The following TLE2 variants were observed in gnomAD, a reference collection of about 807,000 sequenced individuals.
The protein encoded by TLE2 is TLE family member 2, transcriptional corepressor, also known as transducin-like enhancer protein 2.
In TLE2, 74 loss-of-function variants were observed where a neutral mutation model predicts 97.2. The ratio of observed to expected loss-of-function variants is 0.76; its 90% CI spans 0.63 to 0.92. The LOEUF is 0.92. Among genes scored for constraint, TLE2 ranks in the 40% least tolerant of loss-of-function variants. The probability of loss-of-function intolerance (pLI) is 0.00; values close to 1 mark genes in which losing one functional copy is unlikely to be tolerated. For missense variants in TLE2, 1,038 were observed against 1,008.7 expected (o/e 1.03, Z -0.39); for synonymous variants, 499 against 432.1 (o/e 1.15, Z -1.92).
At chr19:3,013,607 C>T (rs1192261868) in intron 11 of TLE2, 62 bp downstream of exon 11, 8 of 1,305,466 alleles carry the variant, frequency 6.1e-6, no homozygotes, top group Middle Eastern at 2.5e-4. Context: ...CATGGGGTAG[C>T]GTCTGCTTCG....
Position 2,997,746 on chromosome 19 carries a change from A to G in TLE2, c.*102T>C, listed in dbSNP as rs1304702210. 1.2e-6 allele frequency: 1 copy of G among 826,298 alleles called. No homozygotes were observed. The highest frequency in any genetic ancestry group is 2.7e-5 in the East Asian group (1 of 37,366). The allele number at this position is 826,298 out of a possible 1,614,324, so 51.2% of individuals were successfully genotyped here. On this transcript the variant is annotated 3_prime_UTR_variant, in exon 20 of 20. Transcript: ENST00000262953. ...GTTGGCCAGAGAGCAGATGGGATGT[A>G]CGGTTCCTAGGCAGGGCTGGGAGGC...
chr19:3,041,013 A>ATATCTATTT (rs1555695656), intron 1 of TLE2, among the ~76,000 whole-genome samples: 1 of 28,968 alleles, frequency 3.5e-5, no homozygotes, highest in Non-Finnish European at 5.7e-5. Flanking sequence ...ATATATATAT[A>ATATCTATTT]TTTTTTTTTT....
intron 14 of TLE2, among the ~76,000 whole-genome samples, chr19:3,008,665 G>C (rs924361671): frequency 6.6e-6 from 1 of 152,130 alleles, no homozygotes; most frequent in Non-Finnish European, 1.5e-5. Flanking sequence ...TGGCCAGGCT[G>C]GTCTTAAATT....
intron 12 of TLE2, 108 bp downstream of exon 12, chr19:3,010,914 T>G: frequency 7.0e-7 from 1 of 1,437,462 alleles, no homozygotes; most frequent in Middle Eastern, 2.5e-4. Flanking sequence ...ACCAAGGCAA[T>G]GAACACCAAG....
chr19:3,035,911 C>T (rs1365500573), intron 1 of TLE2, among the ~76,000 whole-genome samples: 1 of 149,344 alleles, frequency 6.7e-6, no homozygotes, highest in Non-Finnish European at 1.5e-5. Flanking sequence ...CATTATTATC[C>T]AGAAACAGGG....
rs549811861 is a variant in TLE2 at position 3,003,695 on chromosome 19, T to C, written c.1897-1192A>G. On this transcript the variant is annotated intron_variant, in intron 17 of 19. Coordinates refer to ENST00000262953, the MANE Select transcript of TLE2 (RefSeq NM_003260.5). ...AGGCCTAGGAGACAGAACTTCTCAC[T>C]CTTAGCTTGGAATGTTCCTTTTTGA... Among the ~76,000 whole-genome samples the C allele has an allele frequency of 8.6e-5, 13 of 150,666 alleles. No homozygotes were observed. In the South Asian group the frequency reaches 2.5e-3, roughly 29 times the overall value.
At chr19:2,997,978 A>G (rs416799) in intron 19 of TLE2, 23 bp from the exon 20 acceptor site, 103,062 of 1,570,100 alleles carry the variant, frequency 0.066, 5,499 homozygotes, top group African/African-American at 0.28. Context: ...GGGAGAGAGA[A>G]AAGGGCACAG....
chr19:3,028,784 T>A lies in TLE2; in HGVS notation c.44A>T (p.Gln15Leu). ...GRHPTPLQSGQPFKFSILEIC... is the reference protein window; with the variant it reads ...GRHPTPLQSGLPFKFSILEIC... ...CTCCAAGATCGAGAACTTGAAGGGCTGGCCGGACTGGAGCGGGGTCTGGGG... is the reference window on the plus strand; with the variant it reads ...CTCCAAGATCGAGAACTTGAAGGGCAGGCCGGACTGGAGCGGGGTCTGGGG... Residue 15 changes from glutamine to leucine, a missense_variant, in exon 2 of 20, where the codon CAG (glutamine) becomes CTG (leucine). Physicochemically the swap from Gln to Leu is moderately radical, Grantham distance 113 (BLOSUM62 -2). Coordinates refer to ENST00000262953, the MANE Select transcript of TLE2 (RefSeq NM_003260.5). 6.3e-7 allele frequency: 1 copy of A among 1,581,752 alleles called. No individual in the cohort carries two copies. The highest frequency in any genetic ancestry group is 8.7e-7 in the Non-Finnish European group (1 of 1,152,436).
intron 1 of TLE2, among the ~76,000 whole-genome samples, chr19:3,043,643 CAAAA>C (rs35442589): frequency 1.7e-5 from 2 of 120,544 alleles, no homozygotes; most frequent in Non-Finnish European, 3.5e-5. Context: ...ACTAAAAATA[CAAAA>C]AAAAAAAAAA....
chr19:2,998,081 T>C, intron 19 of TLE2, 126 bp from the exon 20 acceptor site: 2 of 646,778 alleles, frequency 3.1e-6, no homozygotes, highest in Non-Finnish European at 5.5e-6. Context: ...GACGTGTTTC[T>C]TTTTTTGAGA....
intron 18 of TLE2, among the ~76,000 whole-genome samples, chr19:3,001,652 T>A (rs1162289927): frequency 6.6e-6 from 1 of 151,902 alleles, no homozygotes; most frequent in African/African-American, 2.4e-5. Context: ...GCTGTTTAAT[T>A]TTTTTGTAGA....
At chr19:3,023,294 C>A (rs1181981337) in intron 5 of TLE2, among the ~76,000 whole-genome samples, 3 of 152,162 alleles carry the variant, frequency 2.0e-5, no homozygotes, top group Non-Finnish European at 4.4e-5. Context: ...CCTTGGCCTC[C>A]CAAAGTGCTG....
chr19:3,041,958 G>A (rs1386193521), intron 1 of TLE2, among the ~76,000 whole-genome samples: 1 of 152,042 alleles, frequency 6.6e-6, no homozygotes, highest in African/African-American at 2.4e-5. Context: ...GCAGGCCTAG[G>A]GCAGGGTCGC....
At chr19:3,046,465 G>C (rs2090141789), upstream of TLE2, among the ~76,000 whole-genome samples, 1 of 152,156 alleles carries the variant, frequency 6.6e-6, no homozygotes, top group South Asian at 2.1e-4. Context: ...GGGGGATTCT[G>C]TAAGTGCTCC....
upstream of TLE2, among the ~76,000 whole-genome samples, chr19:3,031,237 A>G (rs2090022033): frequency 2.0e-5 from 3 of 152,020 alleles, no homozygotes; most frequent in Non-Finnish European, 4.4e-5. Context: ...GGTGTCTGGG[A>G]GAGGACCCTT....
chr19:3,000,635 ACCG>A lies in TLE2; in HGVS notation c.2124+9_2124+11del. 2.5e-6 allele frequency: 4 copies of A among 1,572,558 alleles called. No homozygotes were observed. Among genetic ancestry groups the A allele is most frequent in the Non-Finnish European group, 3.4e-6 (4 of 1,159,694 alleles). On this transcript the variant is annotated intron_variant, in intron 19 of 19. Transcript: ENST00000262953. ...GGCCCTGCCAGAGTGGGGGCTCCAG[ACCG>A]CCGAGTACCTGGAAAATGCTGGCCC... is the stretch of plus-strand genomic sequence containing the variant.
At chr19:3,006,391 T>A (rs1209880416) in intron 15 of TLE2, 29 bp downstream of exon 15, 2 of 1,600,932 alleles carry the variant, frequency 1.2e-6, no homozygotes, top group Non-Finnish European at 8.5e-7. Context: ...CACCTGTGAG[T>A]CCCGCCCACT....
intron 19 of TLE2, among the ~76,000 whole-genome samples, chr19:3,000,445 C>CG (rs1175919332): frequency 1.3e-5 from 2 of 151,988 alleles, no homozygotes; most frequent in Admixed American, 1.3e-4. Context: ...CAACAGGCTA[C>CG]GGGCAGATGA....
In TLE2 at chr19:3,019,177, C is replaced by G. The variant is rs772131239; in HGVS notation, c.550+106G>C. The G allele has an allele frequency of 9.9e-5, 143 of 1,442,926 alleles. No homozygotes were observed. The highest frequency in any genetic ancestry group is 1.5e-4 in the Admixed American group (7 of 46,932). 89.4% of individuals were successfully genotyped at this position (1,442,926 alleles called of 1,614,324 possible). ...CCTCCCAAATTGTTGGGATTATAGG[C>G]ATGAGCCACTTCATCCCCTCACGCT... On this transcript the variant is annotated intron_variant, in intron 7 of 19. Transcript: ENST00000262953. The surrounding 1 kb of genome is among the most constrained non-coding windows in gnomAD (Gnocchi z 5.1).
Sources: gnomAD v4.1 joint callset for allele counts (sites outside exome capture counted in the v4.1 genomes callset) on GRCh38, gnomAD v4.1.1 for gene constraint, Gnocchi (gnomAD v3.1) non-coding constraint, MANE v1.5 for transcripts, NCBI Gene and HGNC (gene_info 2026-07-23, HGNC 2026-07-21) for gene names.